The following ANO1 variants were observed in gnomAD, a reference collection of about 807,000 sequenced individuals.
ANO1 encodes the protein anoctamin 1.
In ANO1, 59 loss-of-function variants were observed where a neutral mutation model predicts 124.0. That is an observed-to-expected ratio of 0.48 (90% CI 0.39 to 0.59). The LOEUF is 0.59. Among genes scored for constraint, ANO1 ranks in the 20% least tolerant of loss-of-function variants. The pLI is 0.00. For synonymous variants in ANO1, 529 were observed against 532.0 expected, an observed-to-expected ratio of 0.99 and a Z score of 0.08; for missense variants, 1,059 against 1,328.0, an observed-to-expected ratio of 0.80 and a Z score of 3.15.
chr11:69,969,733 G>C, the ANO1 span, among the ~76,000 whole-genome samples: 1 of 152,174 alleles, frequency 6.6e-6, no homozygotes, highest in African/African-American at 2.4e-5. Flanking sequence ...TGGATCACAA[G>C]GTCAGGAGTT....
the ANO1 span, among the ~76,000 whole-genome samples, chr11:69,976,463 C>T: frequency 2.2e-5 from 3 of 134,740 alleles, no homozygotes; most frequent in Non-Finnish European, 4.6e-5. Context: ...GCCGAGATAG[C>T]GCCACTACAG....
chr11:70,049,397 G>A (rs1018160998), intron 1 of ANO1, among the ~76,000 whole-genome samples: 2 of 152,198 alleles, frequency 1.3e-5, no homozygotes, highest in African/African-American at 2.4e-5. Flanking sequence ...TCTGTCAAAC[G>A]GGGATATGAT....
Position 70,128,521 on chromosome 11 carries a change from T to A in ANO1, c.1097+2326T>A, listed in dbSNP as rs547360678. Among the ~76,000 whole-genome samples, 5 of 152,308 alleles carry A rather than the reference T, an allele frequency of 3.3e-5. No individual in the cohort carries two copies. The East Asian group carries it at 9.7e-4, about 29-fold the overall frequency. On this transcript the variant is annotated intron_variant, in intron 10 of 25. Coordinates refer to ENST00000355303, the MANE Select transcript of ANO1 (RefSeq NM_018043.7). ...GGGTTGGCCATGCCAGCTCGGCCCTTCCACCACATGGTCAGAAATGCAAAC... is the reference window on the plus strand; with the variant it reads ...GGGTTGGCCATGCCAGCTCGGCCCTACCACCACATGGTCAGAAATGCAAAC...
intron 2 of ANO1, among the ~76,000 whole-genome samples, chr11:70,097,248 C>T (rs921950078): frequency 3.3e-5 from 5 of 152,214 alleles, no homozygotes; most frequent in Admixed American, 1.3e-4. Context: ...AGAGCAGTGG[C>T]GCCTGATCCA....
At chr11:70,169,156 G>T (rs547802028) in intron 21 of ANO1, among the ~76,000 whole-genome samples, 1 of 152,176 alleles carries the variant, frequency 6.6e-6, no homozygotes, top group Non-Finnish European at 1.5e-5. Flanking sequence ...GCAGTGGGCC[G>T]CGAGAGTGGC....
Position 70,167,661 on chromosome 11 carries a change from T to TGGTCCCCAGCCAC in ANO1, c.2197+275_2197+287dup, listed in dbSNP as rs2048307854. ...CGTCCCTAGGCACGGTCCCCAAGCA[T>TGGTCCCCAGCCAC]GGTCCCCAGCCACAGTCCCCAGGTA... On this transcript the variant is annotated intron_variant, in intron 21 of 25. Transcript: ENST00000355303. 4.2e-5 allele frequency among the ~76,000 whole-genome samples: 5 copies of TGGTCCCCAGCCAC among 118,030 alleles called. No homozygotes were observed. The East Asian group carries it at 6.7e-4, about 16-fold the overall frequency. The allele number at this position is 118,030 out of a possible 152,430, so 77.4% of individuals were successfully genotyped here. A position where few individuals can be genotyped will look rare whatever the true frequency, so the allele number is the denominator to read the frequency against.
In ANO1 at chr11:70,116,491, G is replaced by C. The variant is rs777037795; in HGVS notation, c.889G>C (p.Asp297His). ...DYNGENVEFNDRKLLYEEWAR... is the reference protein window; with the variant it reads ...DYNGENVEFNHRKLLYEEWAR... ...CAACGGTGAAAACGTCGAGTTCAAC[G>C]ACAGAAAAGTAAGTTGATGGAGCGG... Residue 297 changes from aspartate to histidine, a missense_variant, in exon 8 of 26, where the codon GAC becomes CAC. Physicochemically the swap from Asp to His is moderately conservative, Grantham distance 81. This residue lies in a region of ANO1 where 809 missense variants were observed against 1,094.9 expected (regional missense o/e 0.74). Coordinates refer to ENST00000355303, the MANE Select transcript of ANO1 (RefSeq NM_018043.7). 1 of 1,596,644 alleles carries C rather than the reference G, an allele frequency of 6.3e-7. No individual in the cohort carries two copies. The highest frequency in any genetic ancestry group is 8.5e-7 in the Non-Finnish European group (1 of 1,171,534).
In ANO1 at chr11:70,188,217, A is replaced by G; in HGVS notation, c.*213A>G. On this transcript the variant is annotated 3_prime_UTR_variant, in exon 26 of 26. Coordinates refer to ENST00000355303, the MANE Select transcript of ANO1 (RefSeq NM_018043.7). ...AGCCATTATGCAGGGAATATTTTTTAATCTGTAGTATTCAAGATGAATCAA... is the reference window on the plus strand; with the variant it reads ...AGCCATTATGCAGGGAATATTTTTTGATCTGTAGTATTCAAGATGAATCAA... The G allele has an allele frequency of 1.6e-6, 1 of 626,072 alleles. No homozygotes were observed. The highest frequency in any genetic ancestry group is 2.7e-6 in the Non-Finnish European group (1 of 365,032). 38.8% of individuals were successfully genotyped at this position (626,072 alleles called of 1,614,324 possible).
At chr11:70,172,888 C>G (rs867701785) in intron 22 of ANO1, among the ~76,000 whole-genome samples, 1 of 151,910 alleles carries the variant, frequency 6.6e-6, no homozygotes, top group Non-Finnish European at 1.5e-5. Context: ...ATGTGGGAAG[C>G]TTTATCAATT....
At chr11:70,095,308 G>GAA (rs1565193407) in intron 2 of ANO1, among the ~76,000 whole-genome samples, 1 of 102,274 alleles carries the variant, frequency 9.8e-6, no homozygotes, top group African/African-American at 4.2e-5. Flanking sequence ...AGGAAAGAAA[G>GAA]AAAGAAAGAA....
intron 1 of ANO1, among the ~76,000 whole-genome samples, chr11:70,032,091 C>T (rs538498519): frequency 6.6e-6 from 1 of 152,278 alleles, no homozygotes; most frequent in Non-Finnish European, 1.5e-5. Flanking sequence ...GCTTGCAGTC[C>T]AGGGAGGAAG....
chr11:70,067,979 G>A (rs1003252298), intron 1 of ANO1, among the ~76,000 whole-genome samples: 4 of 148,284 alleles, frequency 2.7e-5, no homozygotes, highest in Non-Finnish European at 4.4e-5. Context: ...TGGGCTCACA[G>A]CTTAACACGT....
intron 1 of ANO1, chr11:70,085,312 C>A: frequency 7.3e-7 from 1 of 1,370,728 alleles, no homozygotes; most frequent in Non-Finnish European, 9.6e-7. Flanking sequence ...AGCCCTCCCC[C>A]ACCCTTCCCC....
At chr11:70,108,084 C>G (rs937149246) in intron 5 of ANO1, 2 of 446,832 alleles carry the variant, frequency 4.5e-6, no homozygotes, top group African/African-American at 3.9e-5. Context: ...CTGGGGCCAA[C>G]TGCCATGACT....
intron 1 of ANO1, among the ~76,000 whole-genome samples, chr11:69,995,135 T>A (rs1358074990): frequency 2.0e-5 from 3 of 150,296 alleles, no homozygotes; most frequent in Non-Finnish European, 4.4e-5. Flanking sequence ...AATCTTGCTG[T>A]GTCACCCAGG....
intron 1 of ANO1, among the ~76,000 whole-genome samples, chr11:70,080,144 A>G (rs539453651): frequency 2.4e-4 from 36 of 152,364 alleles, no homozygotes; most frequent in African/African-American, 8.4e-4. Context: ...CACGGCAGTG[A>G]CAGGGACTAT....
At chr11:70,000,014 C>A (rs1554998970) in intron 1 of ANO1, among the ~76,000 whole-genome samples, 2 of 152,138 alleles carry the variant, frequency 1.3e-5, no homozygotes, top group African/African-American at 4.8e-5. Context: ...CCAGGTGTAA[C>A]CAAATGCTCG....
At chr11:70,157,384 A>AAAAG (rs397963428) in intron 16 of ANO1, among the ~76,000 whole-genome samples, 13 of 149,418 alleles carry the variant, frequency 8.7e-5, no homozygotes, top group East Asian at 5.9e-4. Context: ...AAAAAAAAAA[A>AAAAG]GGATGCGATT....
intron 1 of ANO1, among the ~76,000 whole-genome samples, chr11:70,013,828 A>AGAAC (rs1856647965): frequency 6.6e-6 from 1 of 151,698 alleles, no homozygotes. Context: ...AGAAAAGAAA[A>AGAAC]AGTGTCACTG....
Sources: gnomAD v4.1 joint callset for allele counts (sites outside exome capture counted in the v4.1 genomes callset) on GRCh38, gnomAD v4.1.1 for gene constraint, gnomAD v4.1.1 regional missense constraint, MANE v1.5 for transcripts, NCBI Gene and HGNC (gene_info 2026-07-23, HGNC 2026-07-21) for gene names.